Variants in PLD1 observed in about 807,000 individuals in gnomAD.
PLD1 encodes phospholipase D1.
In PLD1, 112 loss-of-function variants were observed where a neutral mutation model predicts 137.1. The observed-to-expected ratio is 0.82, with a 90% CI of 0.70 to 0.96. The LOEUF (loss-of-function observed/expected upper bound fraction) is 0.96. Among genes scored for constraint, PLD1 ranks in the 40% least tolerant of loss-of-function variants. The probability of loss-of-function intolerance (pLI) is 0.00; values close to 1 mark genes in which losing one functional copy is unlikely to be tolerated. For missense variants in PLD1, 1,321 were observed against 1,342.0 expected (o/e 0.98, Z 0.24); for synonymous variants, 431 against 454.7 (o/e 0.95, Z 0.66).
At chr3:171,647,187 C>G (rs1246223586) in intron 21 of PLD1, among the ~76,000 whole-genome samples, 1 of 152,164 alleles carries the variant, frequency 6.6e-6, no homozygotes, top group Non-Finnish European at 1.5e-5. Flanking sequence ...ATCAAAGACC[C>G]TTGCACATGC....
chr3:171,728,545 C>G (rs1560256622), intron 6 of PLD1, among the ~76,000 whole-genome samples: 2 of 152,156 alleles, frequency 1.3e-5, no homozygotes, highest in Admixed American at 6.5e-5. Flanking sequence ...CAAATAATGT[C>G]AGTCCTAGTT....
intron 8 of PLD1, among the ~76,000 whole-genome samples, chr3:171,718,152 TGTCA>T (rs768738684): frequency 2.0e-5 from 3 of 152,166 alleles, no homozygotes; most frequent in Non-Finnish European, 4.4e-5. Context: ...TACAAGTAAC[TGTCA>T]GAGACTACTA....
chr3:171,653,099 G>A (rs1163630185), intron 21 of PLD1: 2 of 152,034 alleles, frequency 1.3e-5, no homozygotes, highest in Non-Finnish European at 2.9e-5. Flanking sequence ...GTATGACTTG[G>A]CTAAGTTATC....
At chr3:171,641,694 C>T (rs1361000969) in intron 23 of PLD1, among the ~76,000 whole-genome samples, 1 of 152,158 alleles carries the variant, frequency 6.6e-6, no homozygotes, top group Non-Finnish European at 1.5e-5. Context: ...CCTTCCTCTC[C>T]TGCTTCCACA....
intron 24 of PLD1, among the ~76,000 whole-genome samples, chr3:171,615,589 AAG>A (rs1199760814): frequency 6.6e-6 from 1 of 152,232 alleles, no homozygotes; most frequent in Admixed American, 6.5e-5. Flanking sequence ...ACAACAAAAA[AAG>A]AGTTTACTTC....
At chr3:171,708,969 TG>T in intron 10 of PLD1, 131 bp from the exon 11 acceptor site, 2 of 610,850 alleles carry the variant, frequency 3.3e-6, no homozygotes, top group Non-Finnish European at 5.8e-6. Context: ...ATTGACTTTG[TG>T]GACCTGGAAA....
intron 1 of PLD1, among the ~76,000 whole-genome samples, chr3:171,764,941 A>AGGAAGGAAGGAAG: frequency 1.3e-4 from 2 of 15,330 alleles, no homozygotes; most frequent in African/African-American, 2.3e-4. Flanking sequence ...AAGGAAAGAA[A>AGGAAGGAAGGAAG]GAAAGAAAGA....
intron 21 of PLD1, among the ~76,000 whole-genome samples, chr3:171,650,238 G>A (rs1736609532): frequency 6.6e-6 from 1 of 152,078 alleles, no homozygotes; most frequent in South Asian, 2.1e-4. Context: ...AGCTGAGTTC[G>A]GGGAAAAACA....
At chr3:171,745,204 G>A (rs368667089) in intron 1 of PLD1, among the ~76,000 whole-genome samples, 8 of 152,268 alleles carry the variant, frequency 5.3e-5, no homozygotes, top group Admixed American at 4.6e-4. Flanking sequence ...AATGTTAAAG[G>A]AAATTGACAT....
At chr3:171,700,334 A>T (rs111501659) in intron 11 of PLD1, among the ~76,000 whole-genome samples, 5,795 of 111,314 alleles carry the variant, frequency 0.052, 180 homozygotes, top group African/African-American at 0.11. Flanking sequence ...ACACACACAC[A>T]CTCTCTCTCT....
At chr3:171,688,942 G>T in intron 13 of PLD1, 66 bp from the exon 14 acceptor site, 1 of 1,203,976 alleles carries the variant, frequency 8.3e-7, no homozygotes, top group Non-Finnish European at 1.2e-6. Flanking sequence ...TAATGAAATA[G>T]GTCTGTGTTC....
chr3:171,756,419 T>A (rs1289641611), intron 1 of PLD1, among the ~76,000 whole-genome samples: 1 of 152,212 alleles, frequency 6.6e-6, no homozygotes, highest in Non-Finnish European at 1.5e-5. Flanking sequence ...AACAATGATT[T>A]CCAGATGAGT....
At chr3:171,733,895 C>T (rs1470180106) in intron 5 of PLD1, among the ~76,000 whole-genome samples, 1 of 151,888 alleles carries the variant, frequency 6.6e-6, no homozygotes, top group Non-Finnish European at 1.5e-5. Flanking sequence ...AGATACACTA[C>T]AAATTTTAAA....
At chr3:171,790,037 T>C (rs1208971394) in intron 1 of PLD1, 1 of 152,240 alleles carries the variant, frequency 6.6e-6, no homozygotes, top group Non-Finnish European at 1.5e-5. Context: ...AGTTATTCAA[T>C]CAAGTACTAA....
At chr3:171,665,136 T>C (rs1711980145) in intron 19 of PLD1, among the ~76,000 whole-genome samples, 2 of 152,180 alleles carry the variant, frequency 1.3e-5, no homozygotes. Context: ...TTCATTCACA[T>C]AAGATACACA....
intron 26 of PLD1, among the ~76,000 whole-genome samples, chr3:171,604,982 A>C (rs1732094255): frequency 6.6e-6 from 1 of 152,206 alleles, no homozygotes; most frequent in Non-Finnish European, 1.5e-5. Context: ...TTTTTATGCC[A>C]TCTGCCCCTC....
At chr3:171,788,151 G>A (rs1269068635) in intron 1 of PLD1, among the ~76,000 whole-genome samples, 2 of 149,942 alleles carry the variant, frequency 1.3e-5, no homozygotes, top group Admixed American at 6.7e-5. Context: ...CTGAGATCGC[G>A]TCATTGCACT....
intron 23 of PLD1, among the ~76,000 whole-genome samples, chr3:171,626,512 A>T (rs1734121554): frequency 6.6e-6 from 1 of 152,182 alleles, no homozygotes; most frequent in African/African-American, 2.4e-5. Flanking sequence ...CGCCACAAAG[A>T]TACTCCTCGA....
intron 1 of PLD1, among the ~76,000 whole-genome samples, chr3:171,757,672 T>C (rs1044970453): frequency 6.6e-6 from 1 of 152,262 alleles, no homozygotes; most frequent in African/African-American, 2.4e-5. Context: ...TGATTATACC[T>C]GCCTTTGATA....
Sources: gnomAD v4.1 joint callset for allele counts (sites outside exome capture counted in the v4.1 genomes callset) on GRCh38, gnomAD v4.1.1 for gene constraint, MANE v1.5 for transcripts, NCBI Gene and HGNC (gene_info 2026-07-23, HGNC 2026-07-21) for gene names.